The following PTPRS variants were observed in gnomAD, a reference collection of about 807,000 sequenced individuals.
The protein encoded by PTPRS is protein tyrosine phosphatase receptor type S.
PTPRS carries 63 observed loss-of-function variants against 215.3 expected under a neutral mutation model. The ratio of observed to expected loss-of-function variants is 0.29; its 90% CI spans 0.24 to 0.36. The LOEUF (loss-of-function observed/expected upper bound fraction) is 0.36, where lower values mean the gene tolerates loss of function less well. Ranked by LOEUF, PTPRS falls within the 10% of genes least tolerant of loss-of-function variation. The pLI is 1.00. For synonymous variants in PTPRS, 1,404 were observed against 1,191.4 expected, an observed-to-expected ratio of 1.18 and a Z score of -3.68; for missense variants, 2,258 against 2,825.8, an observed-to-expected ratio of 0.80 and a Z score of 4.56.
chr19:5,223,627 A>G (rs2042215230), intron 17 of PTPRS, among the ~76,000 whole-genome samples: 1 of 144,938 alleles, frequency 6.9e-6, no homozygotes, highest in African/African-American at 2.6e-5. Context: ...CAGTAGCCCC[A>G]TCTCGGCTCA....
intron 17 of PTPRS, among the ~76,000 whole-genome samples, chr19:5,224,903 TC>T (rs2145476079): frequency 6.6e-6 from 1 of 151,484 alleles, no homozygotes; most frequent in South Asian, 2.1e-4. Context: ...GCTACAAGGG[TC>T]CCCGAGGAGA....
chr19:5,316,498 T>G (rs1318537370), intron 1 of PTPRS, among the ~76,000 whole-genome samples: 1 of 152,168 alleles, frequency 6.6e-6, no homozygotes, highest in Non-Finnish European at 1.5e-5. Flanking sequence ...GTTCAAGCAA[T>G]TCTCCTGCCT....
chr19:5,260,879 G>A lies in PTPRS; in HGVS notation c.578-57C>T, dbSNP rs1398483682. On this transcript the variant is annotated intron_variant, in intron 6 of 37. Transcript: ENST00000262963. ...GTCACAAGGCGGTTGTTGGGGGGCC[G>A]GGGGGCCCCAGGGAAGCTGGGCTGG... 43 of 1,583,152 alleles carry A rather than the reference G, an allele frequency of 2.7e-5. 1 individual carries two copies. In the East Asian group the frequency reaches 3.6e-4, roughly 13 times the overall value.
At chr19:5,228,347 G>GAAAAAAAAAAAA (rs71170899) in intron 16 of PTPRS, among the ~76,000 whole-genome samples, 3 of 105,866 alleles carry the variant, frequency 2.8e-5, no homozygotes, top group African/African-American at 1.3e-4. Flanking sequence ...TCCGTCTGGA[G>GAAAAAAAAAAAA]AAAAAAAAAA....
chr19:5,272,925 G>C (rs777164302), intron 4 of PTPRS: 1 of 163,890 alleles, frequency 6.1e-6, no homozygotes, highest in Non-Finnish European at 1.3e-5. Context: ...GCCAATCAGA[G>C]TGTTTGTTCC....
chr19:5,286,219 T>C lies in PTPRS; in HGVS notation c.-79A>G, dbSNP rs748449876. The C allele has an allele frequency of 4.0e-6, 6 of 1,500,788 alleles. No individual in the cohort carries two copies. The highest frequency in any genetic ancestry group is 1.9e-5 in the Admixed American group (1 of 52,758). 93.0% of individuals were successfully genotyped at this position (1,500,788 alleles called of 1,614,324 possible). A position where few individuals can be genotyped will look rare whatever the true frequency, so the allele number is the denominator to read the frequency against. On this transcript the variant is annotated 5_prime_UTR_variant, in exon 2 of 38. It removes the in-frame stop codon of an upstream open reading frame in the 5' UTR. Transcript: ENST00000262963. ...TCACAGAGAGGCCTCGAGCCGAGCG[T>C]CAGATGGGGCAACGTCTGCAGAGAC...
intron 14 of PTPRS, 78 bp from the exon 15 acceptor site, chr19:5,229,762 G>A: frequency 1.1e-6 from 1 of 921,548 alleles, no homozygotes; most frequent in Non-Finnish European, 1.4e-6. Flanking sequence ...CAGTGCCACT[G>A]TCCGATTCCA....
At chr19:5,208,533 G>A in intron 35 of PTPRS, 142 bp from the exon 36 acceptor site, 2 of 809,112 alleles carry the variant, frequency 2.5e-6, no homozygotes, top group East Asian at 2.9e-5. Context: ...CCAGGTTGGA[G>A]TGCAATGGCG....
intron 22 of PTPRS, among the ~76,000 whole-genome samples, chr19:5,219,734 T>G (rs975984776): frequency 6.6e-6 from 1 of 152,192 alleles, no homozygotes; most frequent in African/African-American, 2.4e-5. Flanking sequence ...GAACTCCTAC[T>G]CACCCCTCAA....
chr19:5,305,746 A>T (rs373360456), intron 1 of PTPRS, among the ~76,000 whole-genome samples: 21 of 105,716 alleles, frequency 2.0e-4, no homozygotes, highest in Admixed American at 3.0e-4. Context: ...TAAATAAATA[A>T]ATATATATAT....
intron 1 of PTPRS, among the ~76,000 whole-genome samples, chr19:5,335,718 A>C (rs1437531340): frequency 9.2e-5 from 14 of 152,164 alleles, no homozygotes; most frequent in Admixed American, 4.6e-4. Context: ...ATCCAGCCCC[A>C]GTTACGGCGA....
chr19:5,311,766 T>G (rs1217551948), intron 1 of PTPRS, among the ~76,000 whole-genome samples: 1 of 151,814 alleles, frequency 6.6e-6, no homozygotes. Context: ...TTGGGCCGGG[T>G]GCGGTGGCTC....
Position 5,214,633 on chromosome 19 carries a change from G to A in PTPRS, c.4422C>T (p.Asp1474=). 1 of 1,613,346 alleles carries A rather than the reference G, an allele frequency of 6.2e-7. No homozygotes were observed. The highest frequency in any genetic ancestry group is 8.5e-7 in the Non-Finnish European group (1 of 1,179,974). ...TQGPLPETFG[D]FWRMVWEQRS... is the part of the protein sequence containing the mutation. The stretch of plus-strand genomic sequence containing the variant: ...GCTGCTCCCACACCATACGCCAGAA[G>A]TCCCCAAAGGTCTCAGGCAGCGGCC... The change falls in exon 29 of 38, where the codon GAC becomes GAT. Residue 1474 remains aspartate (D), a synonymous_variant. Coordinates refer to ENST00000262963, the MANE Select transcript of PTPRS (RefSeq NM_002850.4).
At chr19:5,255,954 T>A (rs2045521457) in intron 9 of PTPRS, among the ~76,000 whole-genome samples, 154 bp downstream of exon 9, 1 of 150,174 alleles carries the variant, frequency 6.7e-6, no homozygotes, top group Admixed American at 6.7e-5. Context: ...TCATATTCCA[T>A]CTTTTAAAAT....
intron 18 of PTPRS, 151 bp downstream of exon 18, chr19:5,222,538 C>A: frequency 1.1e-6 from 1 of 928,502 alleles, no homozygotes; most frequent in Non-Finnish European, 1.5e-6. Flanking sequence ...CCTTTGCCAA[C>A]GCCGGAGCCT....
At chr19:5,215,732 C>T (rs1166099313) in intron 26 of PTPRS, 137 bp from the exon 27 acceptor site, 33 of 664,694 alleles carry the variant, frequency 5.0e-5, no homozygotes, top group Non-Finnish European at 7.1e-5. Flanking sequence ...TGGGGCTTGG[C>T]AGGAGGGGAA....
rs2040517846 is a variant in PTPRS at position 5,207,953 on chromosome 19, C to T, written c.5747G>A (p.Arg1916Gln). The T allele has an allele frequency of 3.7e-6, 6 of 1,614,038 alleles. No homozygotes were observed. The highest frequency in any genetic ancestry group is 5.1e-6 in the Non-Finnish European group (6 of 1,180,012). ...VDIFQTVKML[R>Q]TQRPAMVQTE... ...CTGCACCATGGCCGGCCGCTGGGTT[C>T]GTAGCATCTTCACCGTCTGAAAGAT... The change falls in exon 37 of 38, where the codon CGA becomes CAA. Residue 1916 changes from arginine to glutamine, a missense_variant. Physicochemically the swap from Arg to Gln is conservative, Grantham distance 43. Around this residue, in one of 6 missense-constraint regions of PTPRS, gnomAD observed 89 missense variants for 104.0 expected, o/e 0.86. Coordinates refer to ENST00000262963, the MANE Select transcript of PTPRS (RefSeq NM_002850.4).
intron 22 of PTPRS, 107 bp downstream of exon 22, chr19:5,219,832 C>T: frequency 7.7e-7 from 1 of 1,293,858 alleles, no homozygotes; most frequent in Non-Finnish European, 1.1e-6. Flanking sequence ...CAGCTCTGAC[C>T]ACAGGGAGCT....
intron 15 of PTPRS, 54 bp from the exon 16 acceptor site, chr19:5,229,396 C>T (rs928152335): frequency 7.4e-6 from 10 of 1,358,896 alleles, no homozygotes; most frequent in African/African-American, 1.5e-5. Context: ...GCGGGGGAGG[C>T]CAGAGATGGA....
Sources: gnomAD v4.1 joint callset for allele counts (sites outside exome capture counted in the v4.1 genomes callset) on GRCh38, gnomAD v4.1.1 for gene constraint, gnomAD v4.1.1 regional missense constraint, MANE v1.5 for transcripts, NCBI Gene and HGNC (gene_info 2026-07-23, HGNC 2026-07-21) for gene names.